Variants in CRACD observed in about 807,000 individuals in gnomAD.
The protein encoded by CRACD is capping protein-inhibiting regulator of actin dynamics.
Under a neutral mutation model 106.8 loss-of-function variants are expected in CRACD, and 56 were observed. That is an observed-to-expected ratio of 0.52 (90% CI 0.42 to 0.66). The LOEUF is 0.66. CRACD is among the 30% of genes least tolerant of loss of function. The probability of loss-of-function intolerance (pLI) is 0.00; values close to 1 mark genes in which losing one functional copy is unlikely to be tolerated. For missense variants in CRACD, 1,730 were observed against 1,623.2 expected (o/e 1.07, Z -1.13); for synonymous variants, 754 against 670.8 (o/e 1.12, Z -1.92).
At chr4:56,107,636 T>C (rs1351681567) in intron 1 of CRACD, among the ~76,000 whole-genome samples, 4 of 152,180 alleles carry the variant, frequency 2.6e-5, no homozygotes, top group Admixed American at 2.6e-4. Flanking sequence ...CTGTCCTTCT[T>C]TTCAAGTTTC....
intron 1 of CRACD, among the ~76,000 whole-genome samples, chr4:56,072,653 C>T (rs1283618448): frequency 2.6e-5 from 4 of 151,872 alleles, no homozygotes; most frequent in African/African-American, 9.7e-5. Flanking sequence ...ATGTGCAGAA[C>T]GTCCAGGTTT....
intron 2 of CRACD, among the ~76,000 whole-genome samples, chr4:56,233,860 T>A (rs563583629): frequency 1.1e-3 from 167 of 152,208 alleles, no homozygotes; most frequent in Non-Finnish European, 2.1e-3. Flanking sequence ...AGTTATTTTT[T>A]ATTTCTCTTA....
intron 2 of CRACD, chr4:56,246,572 A>G (rs775755445): frequency 1.3e-5 from 2 of 152,230 alleles, no homozygotes; most frequent in Non-Finnish European, 2.9e-5. Context: ...GCTTTTTGTC[A>G]TAACATACCA....
intron 1 of CRACD, among the ~76,000 whole-genome samples, chr4:56,148,232 T>C (rs1214863638): frequency 6.6e-6 from 1 of 152,020 alleles, no homozygotes; most frequent in Non-Finnish European, 1.5e-5. Flanking sequence ...TAGTGTACTA[T>C]CCTAGTGGAT....
chr4:56,136,773 T>C (rs1735014914), intron 1 of CRACD, among the ~76,000 whole-genome samples: 1 of 152,198 alleles, frequency 6.6e-6, no homozygotes, highest in Non-Finnish European at 1.5e-5. Flanking sequence ...TCTACTGTAT[T>C]GATTGTTTCT....
chr4:56,179,827 G>C (rs1057230986), intron 2 of CRACD, among the ~76,000 whole-genome samples: 2 of 152,014 alleles, frequency 1.3e-5, no homozygotes, highest in Non-Finnish European at 2.9e-5. Context: ...AGACCAGGCT[G>C]GCTGACATGC....
rs1009850495 is a variant in CRACD at position 56,324,189 on chromosome 4, G to A, written c.3464G>A (p.Arg1155Lys). ...HKSTALPEEKRPETAVSRLER... is the reference protein window; with the variant it reads ...HKSTALPEEKKPETAVSRLER... Reference sequence around the variant, plus strand: ...TCCACTGCTCTGCCAGAAGAGAAGAGGCCCGAGACTGCAGTGTCCAGGCTT... The same window carrying A: ...TCCACTGCTCTGCCAGAAGAGAAGAAGCCCGAGACTGCAGTGTCCAGGCTT... The change falls in exon 10 of 11, where the codon AGG becomes AAG. Residue 1155 changes from arginine (R) to lysine (K), a missense_variant. Physicochemically the swap from Arg to Lys is conservative, Grantham distance 26. Transcript: ENST00000682029. 2 of 1,614,188 alleles carry A rather than the reference G, an allele frequency of 1.2e-6. No homozygotes were observed. Among genetic ancestry groups the A allele is most frequent in the African/African-American group, 1.3e-5 (1 of 75,074 alleles).
intron 1 of CRACD, among the ~76,000 whole-genome samples, chr4:56,118,051 G>A (rs34081839): frequency 1.3e-5 from 2 of 152,132 alleles, no homozygotes; most frequent in Non-Finnish European, 2.9e-5. Context: ...GAGCCACTGC[G>A]CCCGGCTGCT....
In CRACD at chr4:56,315,392, G is replaced by C. The variant is rs201547934; in HGVS notation, c.1890G>C (p.Ala630=). The part of the protein sequence containing the change: ...SLLGLEEKKH[A]EAPAGENPPR... ...TGGGCTTGGAGGAGAAGAAGCACGC[G>C]GAAGCCCCAGCTGGGGAGAACCCTC... The change falls in exon 8 of 11, where the codon GCG becomes GCC. Residue 630 remains alanine, a synonymous_variant. Coordinates refer to ENST00000682029, the MANE Select transcript of CRACD (RefSeq NM_001393381.1). The surrounding 1 kb of genome is among the most constrained non-coding windows in gnomAD (Gnocchi z 4.1). 1 of 1,612,834 alleles carries C rather than the reference G, an allele frequency of 6.2e-7. No individual in the cohort carries two copies. Among genetic ancestry groups the C allele is most frequent in the East Asian group, 2.2e-5 (1 of 44,830 alleles).
chr4:56,328,174 T>G lies in CRACD; in HGVS notation c.*370T>G, dbSNP rs1339332626. On this transcript the variant is annotated 3_prime_UTR_variant, in exon 11 of 11. Transcript: ENST00000682029. ...TTTTGCCAACCTTTGGTAATGGTTT[T>G]TTGATTCTATGCACTAATTTTCTTT... The G allele has an allele frequency of 2.5e-6, 1 of 394,570 alleles. No homozygotes were observed. Among genetic ancestry groups the G allele is most frequent in the Non-Finnish European group, 5.0e-6 (1 of 201,304 alleles). The allele number at this position is 394,570 out of a possible 1,614,324, so 24.4% of individuals were successfully genotyped here. A position where few individuals can be genotyped will look rare whatever the true frequency, so the allele number is the denominator to read the frequency against.
intron 1 of CRACD, among the ~76,000 whole-genome samples, chr4:56,143,736 T>G (rs1334377550): frequency 6.6e-6 from 1 of 152,198 alleles, no homozygotes; most frequent in Non-Finnish European, 1.5e-5. Context: ...TTGTGGGTGC[T>G]ATGTTTTTCA....
intron 3 of CRACD, among the ~76,000 whole-genome samples, chr4:56,275,262 C>T (rs1282752395): frequency 6.6e-6 from 1 of 152,020 alleles, no homozygotes; most frequent in Non-Finnish European, 1.5e-5. Flanking sequence ...TCACGTGTAC[C>T]CCTGAACGTA....
At chr4:56,243,230 C>T (rs966487431) in intron 2 of CRACD, among the ~76,000 whole-genome samples, 5 of 152,166 alleles carry the variant, frequency 3.3e-5, no homozygotes, top group African/African-American at 9.7e-5. Flanking sequence ...GTCTTTCTCT[C>T]GCTCTCTTCA....
rs572133308 is a variant in CRACD, at chr4:56,114,102, G to T, written c.-336+64803G>T. Among the ~76,000 whole-genome samples the T allele has an allele frequency of 4.3e-4, 65 of 152,056 alleles. No individual in the cohort carries two copies. The Middle Eastern group carries it at 0.014, about 32-fold the overall frequency. On this transcript the variant is annotated intron_variant, in intron 1 of 10. Transcript: ENST00000682029. ...ACTTTATTTGTCTCACATGTAAAGT[G>T]TCTAGAGTAGGCAACCCATGGCTGA...
intron 2 of CRACD, among the ~76,000 whole-genome samples, chr4:56,190,227 C>G (rs1411633110): frequency 6.6e-6 from 1 of 151,928 alleles, no homozygotes; most frequent in Non-Finnish European, 1.5e-5. Flanking sequence ...CATTGTTGGA[C>G]ATTTGGGTTG....
intron 2 of CRACD, among the ~76,000 whole-genome samples, chr4:56,236,002 G>A (rs1256716752): frequency 6.6e-6 from 1 of 152,130 alleles, no homozygotes; most frequent in Non-Finnish European, 1.5e-5. Context: ...GGTAGCTGGT[G>A]GCTATTAAGA....
chr4:56,312,883 T>A (rs1335076926), intron 6 of CRACD, among the ~76,000 whole-genome samples: 2 of 152,206 alleles, frequency 1.3e-5, no homozygotes, highest in Non-Finnish European at 2.9e-5. Flanking sequence ...TGGGCAGGAT[T>A]TGGCCTCCTG....
chr4:56,278,735 G>A (rs1314697707), intron 3 of CRACD, among the ~76,000 whole-genome samples: 1 of 152,034 alleles, frequency 6.6e-6, no homozygotes, highest in Non-Finnish European at 1.5e-5. Flanking sequence ...ATATTTGTAA[G>A]TCATATTTGG....
chr4:56,163,954 C>T (rs1379808813), intron 1 of CRACD, among the ~76,000 whole-genome samples: 1 of 151,936 alleles, frequency 6.6e-6, no homozygotes, highest in East Asian at 1.9e-4. Flanking sequence ...CACCATGTTG[C>T]CCAGGCTGGT....
Sources: gnomAD v4.1 joint callset for allele counts (sites outside exome capture counted in the v4.1 genomes callset) on GRCh38, gnomAD v4.1.1 for gene constraint, Gnocchi (gnomAD v3.1) non-coding constraint, MANE v1.5 for transcripts, NCBI Gene and HGNC (gene_info 2026-07-23, HGNC 2026-07-21) for gene names.